Variants in SUPT3H observed in about 807,000 individuals in gnomAD.
SUPT3H encodes transcription initiation protein SPT3 homolog.
SUPT3H carries 44 observed loss-of-function variants against 44.3 expected under a neutral mutation model. The observed-to-expected ratio is 0.99, with a 90% CI of 0.78 to 1.28. The LOEUF (loss-of-function observed/expected upper bound fraction) is 1.28, where lower values mean the gene tolerates loss of function less well. Among genes scored for constraint, SUPT3H ranks in the 50% most tolerant of loss-of-function variants. The pLI, the probability that SUPT3H is intolerant of heterozygous loss-of-function variation, is 0.00. For missense variants in SUPT3H, 380 were observed against 387.1 expected (o/e 0.98, Z 0.15); for synonymous variants, 124 against 125.6 (o/e 0.99, Z 0.09).
At chr6:45,185,751 A>C (rs1434003707) in intron 2 of SUPT3H, among the ~76,000 whole-genome samples, 1 of 152,238 alleles carries the variant, frequency 6.6e-6, no homozygotes, top group Non-Finnish European at 1.5e-5. Context: ...CAATTCCTGT[A>C]TATTATTTCC....
chr6:44,917,323 A>G (rs1468157100), intron 10 of SUPT3H, among the ~76,000 whole-genome samples: 2 of 152,224 alleles, frequency 1.3e-5, no homozygotes, highest in Non-Finnish European at 2.9e-5. Context: ...ATCATTTTAA[A>G]TGAGACTGTA....
intron 2 of SUPT3H, among the ~76,000 whole-genome samples, chr6:45,266,550 A>G (rs1775295270): frequency 6.6e-6 from 1 of 151,940 alleles, no homozygotes; most frequent in African/African-American, 2.4e-5. Context: ...TATTTAAATT[A>G]ACATTTATAT....
chr6:44,824,125 G>C (rs1021763710), downstream of SUPT3H, among the ~76,000 whole-genome samples: 2 of 152,222 alleles, frequency 1.3e-5, no homozygotes, highest in Non-Finnish European at 2.9e-5. Context: ...ACACTGTGCC[G>C]ATCTTGCTTA....
At chr6:44,975,322 G>A (rs1778171064) in intron 6 of SUPT3H, among the ~76,000 whole-genome samples, 1 of 152,070 alleles carries the variant, frequency 6.6e-6, no homozygotes, top group South Asian at 2.1e-4. Flanking sequence ...AACGAACTAA[G>A]TTGGGCCTAA....
At chr6:44,900,232 C>T (rs571239124) in intron 10 of SUPT3H, among the ~76,000 whole-genome samples, 44 of 152,336 alleles carry the variant, frequency 2.9e-4, no homozygotes, top group Admixed American at 1.8e-3. Context: ...GGCATTGCCT[C>T]ACCCGGGAAG....
At chr6:44,879,913 C>A (rs577418915) in intron 10 of SUPT3H, among the ~76,000 whole-genome samples, 2 of 152,066 alleles carry the variant, frequency 1.3e-5, no homozygotes, top group African/African-American at 4.8e-5. Context: ...ACTCAAAAGC[C>A]CCATCTGAAG....
intron 7 of SUPT3H, among the ~76,000 whole-genome samples, chr6:44,960,350 G>T (rs1344076897): frequency 8.1e-5 from 12 of 148,206 alleles, no homozygotes; most frequent in Admixed American, 4.8e-4. Context: ...GGAGGAGGAG[G>T]AGGAGGCTGC....
At chr6:45,284,927 G>A (rs1405463366) in intron 2 of SUPT3H, among the ~76,000 whole-genome samples, 1 of 152,170 alleles carries the variant, frequency 6.6e-6, no homozygotes, top group Non-Finnish European at 1.5e-5. Context: ...GGGATGGAAG[G>A]CTGGTTCAAC....
At chr6:45,062,533 A>G (rs1270787384) in intron 3 of SUPT3H, among the ~76,000 whole-genome samples, 1 of 152,152 alleles carries the variant, frequency 6.6e-6, no homozygotes, top group Non-Finnish European at 1.5e-5. Flanking sequence ...TGATTTCTGC[A>G]TTTCCATCTG....
At chr6:44,972,399 G>T (rs1441931634) in intron 6 of SUPT3H, among the ~76,000 whole-genome samples, 1 of 152,162 alleles carries the variant, frequency 6.6e-6, no homozygotes, top group African/African-American at 2.4e-5. Context: ...GGGTCCCAGG[G>T]CCTCTTGTCA....
chr6:45,343,222 A>C (rs1790173817), intron 2 of SUPT3H, among the ~76,000 whole-genome samples: 1 of 152,122 alleles, frequency 6.6e-6, no homozygotes, highest in Non-Finnish European at 1.5e-5. Flanking sequence ...AAAAATGCAG[A>C]ATCTCAGCCG....
chr6:44,820,176 G>A (rs547413680), intron 11 of SUPT3H, among the ~76,000 whole-genome samples: 35 of 152,200 alleles, frequency 2.3e-4, no homozygotes, highest in South Asian at 2.3e-3. Flanking sequence ...CCAGGATCAC[G>A]CCACTGTACT....
chr6:45,089,605 T>C (rs1016964688), intron 3 of SUPT3H, among the ~76,000 whole-genome samples: 2 of 152,058 alleles, frequency 1.3e-5, no homozygotes, highest in African/African-American at 2.4e-5. Context: ...TATCTCTGAC[T>C]TGCTCTCCCT....
chr6:45,137,288 A>G (rs1804448189), intron 2 of SUPT3H, among the ~76,000 whole-genome samples: 1 of 152,090 alleles, frequency 6.6e-6, no homozygotes, highest in Admixed American at 6.5e-5. Flanking sequence ...AAATGACATT[A>G]TGTGATAACT....
chr6:45,250,710 T>G (rs775289178), intron 2 of SUPT3H, among the ~76,000 whole-genome samples: 3 of 151,990 alleles, frequency 2.0e-5, no homozygotes, highest in Non-Finnish European at 4.4e-5. Flanking sequence ...AACACCCATC[T>G]CACAGCACAG....
chr6:45,175,924 A>G (rs1196232155), intron 2 of SUPT3H, among the ~76,000 whole-genome samples: 1 of 152,206 alleles, frequency 6.6e-6, no homozygotes, highest in Non-Finnish European at 1.5e-5. Context: ...TTACTTTAGA[A>G]TCTTTGGGAA....
intron 10 of SUPT3H, among the ~76,000 whole-genome samples, chr6:44,885,466 G>A (rs4593363): frequency 0.094 from 14,269 of 152,136 alleles, 838 homozygotes; most frequent in Middle Eastern, 0.14. Flanking sequence ...ACAAAAATCC[G>A]CTGTTCTGCA....
intron 10 of SUPT3H, among the ~76,000 whole-genome samples, chr6:44,893,654 C>T (rs1327415758): frequency 3.3e-5 from 5 of 151,378 alleles, no homozygotes; most frequent in African/African-American, 1.2e-4. Context: ...CAAGTCTTTG[C>T]TATTGTGAAT....
intron 5 of SUPT3H, among the ~76,000 whole-genome samples, chr6:45,010,836 G>T (rs1286257503): frequency 6.6e-6 from 1 of 152,038 alleles, no homozygotes; most frequent in Non-Finnish European, 1.5e-5. Context: ...AGGGTGAGGA[G>T]GGACAAAAAC....
Sources: gnomAD v4.1 joint callset for allele counts (sites outside exome capture counted in the v4.1 genomes callset) on GRCh38, gnomAD v4.1.1 for gene constraint, MANE v1.5 for transcripts, NCBI Gene and HGNC (gene_info 2026-07-23, HGNC 2026-07-21) for gene names.